Variants in REC114 observed in about 807,000 individuals in gnomAD.
REC114 encodes REC114 meiotic recombination protein, also known as meiotic recombination protein REC114.
A neutral mutation model predicts 31.3 loss-of-function variants in REC114; 27 were observed. The observed-to-expected ratio is 0.86, with a 90% CI of 0.64 to 1.19. The LOEUF is 1.19. REC114 is among the 50% of genes most tolerant of loss of function. The pLI, the probability that REC114 is intolerant of heterozygous loss-of-function variation, is 0.00. For missense variants in REC114, 344 were observed against 326.9 expected (o/e 1.05, Z -0.40); for synonymous variants, 134 against 127.7 (o/e 1.05, Z -0.33).
chr15:73,537,621 C>T (rs1412416682), intron 2 of REC114, among the ~76,000 whole-genome samples: 2 of 152,164 alleles, frequency 1.3e-5, no homozygotes, highest in African/African-American at 2.4e-5. Flanking sequence ...GTGATCAGTA[C>T]AGTATTGTTA....
intron 2 of REC114, among the ~76,000 whole-genome samples, chr15:73,504,126 T>C (rs954667376): frequency 9.3e-5 from 14 of 149,918 alleles, no homozygotes; most frequent in African/African-American, 3.4e-4. Flanking sequence ...CCTGCCTCAG[T>C]CTCCTGAGTA....
At chr15:73,490,551 A>G (rs1893428557) in intron 2 of REC114, among the ~76,000 whole-genome samples, 1 of 152,162 alleles carries the variant, frequency 6.6e-6, no homozygotes, top group African/African-American at 2.4e-5. Flanking sequence ...TGTACAAAAA[A>G]TTAGCCAGGC....
At chr15:73,463,889 A>T (rs1298683690) in intron 1 of REC114, among the ~76,000 whole-genome samples, 1 of 152,030 alleles carries the variant, frequency 6.6e-6, no homozygotes, top group Admixed American at 6.6e-5. Context: ...AGCTTTTAAG[A>T]TCTTCTTCTA....
intron 2 of REC114, among the ~76,000 whole-genome samples, chr15:73,499,418 C>A (rs1054624047): frequency 5.9e-5 from 9 of 151,990 alleles, no homozygotes; most frequent in African/African-American, 2.2e-4. Context: ...TGTGTTAAAT[C>A]TTTCAGTTTG....
intron 4 of REC114, among the ~76,000 whole-genome samples, chr15:73,553,328 G>A (rs1894418314): frequency 6.6e-6 from 1 of 152,120 alleles, no homozygotes; most frequent in Non-Finnish European, 1.5e-5. Context: ...CCTGGATCTA[G>A]TTTCAAACAA....
At chr15:73,461,043 T>TG (rs1892981905) in intron 1 of REC114, among the ~76,000 whole-genome samples, 1 of 152,112 alleles carries the variant, frequency 6.6e-6, no homozygotes, top group Admixed American at 6.5e-5. Context: ...TCTCATGCTT[T>TG]GATACATGAG....
At chr15:73,557,508 A>G (rs2141339606) in intron 5 of REC114, among the ~76,000 whole-genome samples, 1 of 152,284 alleles carries the variant, frequency 6.6e-6, no homozygotes, top group East Asian at 1.9e-4. Context: ...TAAAAAACTC[A>G]AGAGGTAGGA....
chr15:73,508,236 A>T (rs976399968), intron 2 of REC114, among the ~76,000 whole-genome samples: 3 of 152,146 alleles, frequency 2.0e-5, no homozygotes, highest in Non-Finnish European at 4.4e-5. Flanking sequence ...AAGGCATAGA[A>T]ATTAAAGTAA....
At chr15:73,491,107 T>C (rs1247639702) in intron 2 of REC114, among the ~76,000 whole-genome samples, 1 of 152,232 alleles carries the variant, frequency 6.6e-6, no homozygotes, top group Non-Finnish European at 1.5e-5. Flanking sequence ...GTTGGATATT[T>C]GGGCTATTTC....
chr15:73,448,000 G>A (rs1299898768), intron 1 of REC114, among the ~76,000 whole-genome samples: 1 of 152,184 alleles, frequency 6.6e-6, no homozygotes, highest in Admixed American at 6.5e-5. Flanking sequence ...CAGGCCAGGA[G>A]ATTCCCTCTG....
intron 3 of REC114, 69 bp downstream of exon 3, chr15:73,540,637 G>T (rs1894225244): frequency 7.6e-7 from 1 of 1,319,896 alleles, no homozygotes; most frequent in Admixed American, 1.7e-5. Context: ...GTATTTGGGG[G>T]CATCTCTTGG....
intron 1 of REC114, among the ~76,000 whole-genome samples, chr15:73,471,306 G>A (rs1813121539): frequency 6.6e-6 from 1 of 152,188 alleles, no homozygotes; most frequent in African/African-American, 2.4e-5. Context: ...GATTGGATAT[G>A]GGTGTGAGAA....
intron 2 of REC114, 57 bp from the exon 3 acceptor site, chr15:73,540,428 A>C: frequency 6.1e-6 from 7 of 1,152,304 alleles, no homozygotes; most frequent in African/African-American, 1.5e-5. Context: ...AGCTGCAGCC[A>C]TAGCTATTCT....
intron 1 of REC114, among the ~76,000 whole-genome samples, chr15:73,460,410 A>G (rs1013992400): frequency 1.3e-5 from 2 of 152,214 alleles, no homozygotes; most frequent in Non-Finnish European, 2.9e-5. Flanking sequence ...AAGCATCTCT[A>G]CTTAAAGAGC....
intron 3 of REC114, among the ~76,000 whole-genome samples, chr15:73,545,385 A>C (rs571715156): frequency 6.6e-6 from 1 of 152,334 alleles, no homozygotes; most frequent in South Asian, 2.1e-4. Context: ...AAATCTCATC[A>C]AGACTTTCAA....
rs183698149 is a variant in REC114 at position 73,538,204 on chromosome 15, A to G, written c.250-2281A>G. Among the ~76,000 whole-genome samples the G allele has an allele frequency of 4.6e-5, 7 of 152,314 alleles. No individual in the cohort carries two copies. The East Asian group carries it at 1.3e-3, about 29-fold the overall frequency. On this transcript the variant is annotated intron_variant, in intron 2 of 5. Coordinates refer to ENST00000331090, the MANE Select transcript of REC114 (RefSeq NM_001042367.2). ...AGTAGGACTACATTTCACTTTAACT[A>G]TTGAAAATCCAACATCCAAATTGAG...
intron 2 of REC114, among the ~76,000 whole-genome samples, chr15:73,484,386 G>A (rs374780422): frequency 4.5e-4 from 69 of 152,062 alleles, no homozygotes; most frequent in Admixed American, 3.4e-3. Context: ...AATCCTCCTC[G>A]GCTTCTTCTG....
At chr15:73,472,041 G>T (rs937877116) in intron 1 of REC114, among the ~76,000 whole-genome samples, 2 of 152,150 alleles carry the variant, frequency 1.3e-5, no homozygotes, top group Non-Finnish European at 2.9e-5. Context: ...TTCTTCATCT[G>T]GGTGATGTAT....
At chr15:73,492,799 T>C (rs1893463863) in intron 2 of REC114, among the ~76,000 whole-genome samples, 1 of 152,160 alleles carries the variant, frequency 6.6e-6, no homozygotes, top group Admixed American at 6.5e-5. Context: ...TGGCTATACA[T>C]TCCTGATATT....
Sources: allele counts gnomAD v4.1 joint callset (sites outside exome capture counted in the v4.1 genomes callset), GRCh38; gene constraint gnomAD v4.1.1; transcripts MANE v1.5; gene names NCBI Gene and HGNC (gene_info 2026-07-23, HGNC 2026-07-21).